Variants in METTL24 observed in about 807,000 individuals in gnomAD.
METTL24 encodes the protein methyltransferase like 24.
In METTL24, 29 loss-of-function variants were observed where a neutral mutation model predicts 32.7. The ratio of observed to expected loss-of-function variants is 0.89; its 90% CI spans 0.66 to 1.21. The LOEUF (loss-of-function observed/expected upper bound fraction) is 1.21, where lower values mean the gene tolerates loss of function less well. Ranked by LOEUF, METTL24 falls within the 50% of genes most tolerant of loss-of-function variation. The probability of loss-of-function intolerance (pLI) is 0.00; values close to 1 mark genes in which losing one functional copy is unlikely to be tolerated. For missense variants in METTL24, 439 were observed against 468.1 expected, an observed-to-expected ratio of 0.94 and a Z score of 0.57; for synonymous variants, 163 against 179.5, an observed-to-expected ratio of 0.91 and a Z score of 0.73.
chr6:110,263,167 G>A (rs1457046317), intron 4 of METTL24, among the ~76,000 whole-genome samples: 5 of 152,024 alleles, frequency 3.3e-5, no homozygotes, highest in African/African-American at 9.7e-5. Context: ...TTAGGAAAAG[G>A]GGAAGTTAAA....
At chr6:110,345,849 T>C (rs1397403007) in intron 1 of METTL24, among the ~76,000 whole-genome samples, 1 of 152,152 alleles carries the variant, frequency 6.6e-6, no homozygotes, top group African/African-American at 2.4e-5. Flanking sequence ...AGTACCTGGT[T>C]GTCAAAATAA....
At chr6:110,302,774 T>C (rs1362919708) in intron 3 of METTL24, among the ~76,000 whole-genome samples, 1 of 152,086 alleles carries the variant, frequency 6.6e-6, no homozygotes, top group African/African-American at 2.4e-5. Flanking sequence ...TATATATTCA[T>C]ATGTTTTCTA....
intron 3 of METTL24, among the ~76,000 whole-genome samples, chr6:110,313,488 CT>C (rs913814925): frequency 1.8e-4 from 27 of 152,176 alleles, no homozygotes; most frequent in African/African-American, 6.0e-4. Flanking sequence ...AATTTAGAAA[CT>C]TTCCCCCCAA....
intron 4 of METTL24, among the ~76,000 whole-genome samples, chr6:110,296,083 C>T (rs752145517): frequency 4.6e-5 from 7 of 152,092 alleles, no homozygotes; most frequent in Non-Finnish European, 7.3e-5. Flanking sequence ...GAGGACCATG[C>T]TTCAAACCTA....
intron 4 of METTL24, among the ~76,000 whole-genome samples, chr6:110,256,363 G>A (rs962835665): frequency 2.6e-5 from 4 of 152,146 alleles, no homozygotes; most frequent in African/African-American, 7.2e-5. Context: ...ACCCCAGCAC[G>A]ACTCATGCTA....
At chr6:110,310,613 G>C (rs1045969756) in intron 3 of METTL24, among the ~76,000 whole-genome samples, 2 of 152,076 alleles carry the variant, frequency 1.3e-5, no homozygotes, top group African/African-American at 4.8e-5. Flanking sequence ...AATTGGTCTA[G>C]TCTACCTCAT....
chr6:110,267,816 T>C (rs547506913), intron 4 of METTL24, among the ~76,000 whole-genome samples: 2 of 152,282 alleles, frequency 1.3e-5, no homozygotes, highest in Admixed American at 1.3e-4. Flanking sequence ...CTTACAATTA[T>C]GGTGGAAGGT....
intron 4 of METTL24, among the ~76,000 whole-genome samples, chr6:110,250,128 A>G (rs567501233): frequency 1.2e-3 from 188 of 152,040 alleles, no homozygotes; most frequent in African/African-American, 4.3e-3. Flanking sequence ...GCTTGTATCC[A>G]TTTCCAAGGG....
Position 110,253,805 on chromosome 6 carries a change from C to T in METTL24, c.787-7545G>A, listed in dbSNP as rs929371203. The T allele has an allele frequency of 6.3e-6, 7 of 1,109,990 alleles. No homozygotes were observed. The African/African-American group carries it at 1.2e-4, about 18-fold the overall frequency. The allele number at this position is 1,109,990 out of a possible 1,614,324, so 68.8% of individuals were successfully genotyped here. A position where few individuals can be genotyped will look rare whatever the true frequency, so the allele number is the denominator to read the frequency against. On this transcript the variant is annotated intron_variant, in intron 4 of 4. Transcript: ENST00000338882. ...CAAAATTGAAATTATCCTATGTTTT[C>T]AAATCTGCTTTTTAACATAACAGAC...
At chr6:110,304,837 C>T (rs1440703231) in intron 3 of METTL24, among the ~76,000 whole-genome samples, 1 of 152,020 alleles carries the variant, frequency 6.6e-6, no homozygotes, top group South Asian at 2.1e-4. Context: ...AGAAGAGCAA[C>T]GCCAAGACAC....
chr6:110,260,193 C>A (rs553722579), intron 4 of METTL24, among the ~76,000 whole-genome samples: 1 of 152,186 alleles, frequency 6.6e-6, no homozygotes, highest in East Asian at 1.9e-4. Context: ...TTCGAACCCA[C>A]GGCAAAGAAG....
In METTL24 at chr6:110,279,015, C is replaced by T. The variant is rs116652982; in HGVS notation, c.786+19907G>A. Among the ~76,000 whole-genome samples, 665 of 148,812 alleles carry T rather than the reference C, an allele frequency of 4.5e-3. 1 individual carries two copies. Among genetic ancestry groups the T allele is most frequent in the African/African-American group, 0.016 (636 of 38,642 alleles). ...CAGCCTGGGAAACAGTGATGTTCCACAAAGAGTATGGTGGTCTGTAACAAG... is the reference window on the plus strand; with the variant it reads ...CAGCCTGGGAAACAGTGATGTTCCATAAAGAGTATGGTGGTCTGTAACAAG... On this transcript the variant is annotated intron_variant, in intron 4 of 4. Transcript: ENST00000338882.
At chr6:110,275,162 C>T (rs1043873458) in intron 4 of METTL24, among the ~76,000 whole-genome samples, 1 of 151,776 alleles carries the variant, frequency 6.6e-6, no homozygotes, top group African/African-American at 2.4e-5. Flanking sequence ...TGGAATTGTC[C>T]ACCTTCCACA....
intron 4 of METTL24, among the ~76,000 whole-genome samples, chr6:110,282,808 G>A (rs1328281190): frequency 6.6e-6 from 1 of 152,150 alleles, no homozygotes; most frequent in Admixed American, 6.5e-5. Context: ...AGTTTCTAAA[G>A]AAAGAGCTGT....
intron 1 of METTL24, among the ~76,000 whole-genome samples, chr6:110,331,366 A>G (rs1399133150): frequency 1.3e-5 from 2 of 152,134 alleles, no homozygotes; most frequent in Non-Finnish European, 2.9e-5. Context: ...AAAAAATTAA[A>G]GAAATAATGA....
chr6:110,269,619 A>C (rs919715183), intron 4 of METTL24, among the ~76,000 whole-genome samples: 1 of 152,170 alleles, frequency 6.6e-6, no homozygotes, highest in Non-Finnish European at 1.5e-5. Flanking sequence ...TTTTTATGCT[A>C]ATATGAATTT....
chr6:110,329,717 C>T (rs1373027285), intron 1 of METTL24, among the ~76,000 whole-genome samples: 1 of 152,020 alleles, frequency 6.6e-6, no homozygotes, highest in Non-Finnish European at 1.5e-5. Flanking sequence ...GTTTCTCAGA[C>T]CCGGCCCTGC....
chr6:110,257,408 A>T (rs1002558221), intron 4 of METTL24, among the ~76,000 whole-genome samples: 1 of 152,226 alleles, frequency 6.6e-6, no homozygotes, highest in African/African-American at 2.4e-5. Context: ...ATTCATTAAA[A>T]TTAAATCAAA....
intron 3 of METTL24, among the ~76,000 whole-genome samples, chr6:110,313,923 T>C (rs979343395): frequency 1.3e-5 from 2 of 152,260 alleles, no homozygotes; most frequent in Non-Finnish European, 2.9e-5. Context: ...ACCATTGCTC[T>C]TCATTTAACC....
Sources: gnomAD v4.1 joint callset for allele counts (sites outside exome capture counted in the v4.1 genomes callset) on GRCh38, gnomAD v4.1.1 for gene constraint, MANE v1.5 for transcripts, NCBI Gene and HGNC (gene_info 2026-07-23, HGNC 2026-07-21) for gene names.